NEBL: variants seen among roughly 807,000 people sequenced by gnomAD.
The protein encoded by NEBL is nebulette.
In NEBL, 122 loss-of-function variants were observed where a neutral mutation model predicts 140.2. The observed-to-expected ratio is 0.87, with a 90% confidence interval of 0.75 to 1.01. The LOEUF is 1.01. Among genes scored for constraint, NEBL ranks in the 50% least tolerant of loss-of-function variants. The probability of loss-of-function intolerance (pLI) is 0.00; values close to 1 mark genes in which losing one functional copy is unlikely to be tolerated. For missense variants in NEBL, 1,365 were observed against 1,231.3 expected (o/e 1.11, Z -1.62); for synonymous variants, 436 against 398.9 (o/e 1.09, Z -1.11).
rs371537488 is a variant in NEBL at position 21,126,047 on chromosome 10, G to A, written c.164+46336C>T. 33 of 1,614,158 alleles carry A rather than the reference G, an allele frequency of 2.0e-5. No homozygotes were observed. The Middle Eastern group carries it at 6.6e-4, about 32-fold the overall frequency. On this transcript the variant is annotated intron_variant, in intron 2 of 6. Coordinates refer to the NEBL transcript ENST00000417816. ...CACCTGGCAAGCGTTGGCCAGCTTT[G>A]CAGCCTTCTGGTCTCCCCAACCAGC...
chr10:21,117,764 AAT>A (rs1388416696), intron 2 of NEBL, among the ~76,000 whole-genome samples: 1 of 152,098 alleles, frequency 6.6e-6, no homozygotes, highest in Non-Finnish European at 1.5e-5. Flanking sequence ...TGTTCTCTCA[AAT>A]ATCAACTTTA....
chr10:20,830,912 T>TAAAAAAAAAAAAAAAAAAAAA (rs371760760), intron 16 of NEBL, among the ~76,000 whole-genome samples: 1 of 92,368 alleles, frequency 1.1e-5, no homozygotes, highest in Non-Finnish European at 2.1e-5. Flanking sequence ...CTCTAAAATT[T>TAAAAAAAAAAAAAAAAAAAAA]AAAAAAAAAA....
intron 4 of NEBL, among the ~76,000 whole-genome samples, chr10:20,944,473 T>C (rs1337289869): frequency 1.3e-5 from 2 of 152,232 alleles, no homozygotes; most frequent in African/African-American, 4.8e-5. Context: ...ACACCCCACA[T>C]TGCAGACATT....
At chr10:21,007,046 G>C (rs11012480) in intron 3 of NEBL, among the ~76,000 whole-genome samples, 2,696 of 152,088 alleles carry the variant, frequency 0.018, 85 homozygotes, top group African/African-American at 0.061. Context: ...TCACTTTGGG[G>C]TTTCTTTCAA....
chr10:21,247,115 A>G (rs986545710), intron 3 of NEBL, among the ~76,000 whole-genome samples: 11 of 152,056 alleles, frequency 7.2e-5, no homozygotes, highest in East Asian at 3.9e-4. Flanking sequence ...CCCTTCCTCC[A>G]TGATTGTAAG....
At chr10:20,883,852 A>G (rs1327137770) in intron 4 of NEBL, among the ~76,000 whole-genome samples, 1 of 152,212 alleles carries the variant, frequency 6.6e-6, no homozygotes, top group Non-Finnish European at 1.5e-5. Context: ...TACAGCCGCT[A>G]CTAAGTACCA....
chr10:21,261,228 G>T (rs1000994813), intron 1 of NEBL, among the ~76,000 whole-genome samples: 1 of 152,170 alleles, frequency 6.6e-6, no homozygotes, highest in African/African-American at 2.4e-5. Context: ...GCTCCAGGCT[G>T]CTCTGCTAAA....
At chr10:21,044,387 A>G (rs902060697) in intron 2 of NEBL, among the ~76,000 whole-genome samples, 5 of 122,952 alleles carry the variant, frequency 4.1e-5, no homozygotes, top group Non-Finnish European at 6.7e-5. Context: ...ACTGGGTGAC[A>G]GAGTAAGAAT....
At chr10:21,172,771 G>C (rs1377933663) in intron 1 of NEBL, among the ~76,000 whole-genome samples, 1 of 152,154 alleles carries the variant, frequency 6.6e-6, no homozygotes, top group African/African-American at 2.4e-5. Context: ...AACGATTTCT[G>C]AGCTCGGTTA....
chr10:20,941,466 C>A (rs1177301021), intron 4 of NEBL, among the ~76,000 whole-genome samples: 5 of 152,308 alleles, frequency 3.3e-5, no homozygotes, highest in Admixed American at 6.5e-5. Context: ...GACAAACCCA[C>A]AGCCAATATC....
At chr10:20,823,353 A>C in intron 18 of NEBL, 53 bp from the exon 19 acceptor site, 1 of 1,296,128 alleles carries the variant, frequency 7.7e-7, no homozygotes, top group South Asian at 1.3e-5. Context: ...AAGGCTTTAA[A>C]ATATTGAGAA....
At chr10:21,020,419 C>A (rs1838741154) in intron 2 of NEBL, among the ~76,000 whole-genome samples, 1 of 152,024 alleles carries the variant, frequency 6.6e-6, no homozygotes, top group Non-Finnish European at 1.5e-5. Flanking sequence ...CACAGCTTAA[C>A]CTTGACTTCT....
intron 3 of NEBL, among the ~76,000 whole-genome samples, chr10:21,204,234 C>G (rs1841788743): frequency 6.6e-6 from 1 of 152,134 alleles, no homozygotes; most frequent in Non-Finnish European, 1.5e-5. Context: ...AGGGAGAAAT[C>G]CAAACTGCTT....
At position 20,797,395 on chromosome 10, in the gene NEBL, G is replaced by A. The variant is rs542241259; in HGVS notation, c.2762-10087C>T. ...TTAGACAATACCATCAATCCATAAG[G>A]AGTTCTGATACGTAGTTTTACACTA... On this transcript the variant is annotated intron_variant, in intron 26 of 27. Coordinates refer to ENST00000377122, the MANE Select transcript of NEBL (RefSeq NM_006393.3). Among the ~76,000 whole-genome samples, 7 of 152,226 alleles carry A rather than the reference G, an allele frequency of 4.6e-5. No individual in the cohort carries two copies. In the East Asian group the frequency reaches 1.4e-3, roughly 29 times the overall value.
At chr10:21,013,985 T>C (rs1215933561) in intron 3 of NEBL, among the ~76,000 whole-genome samples, 1 of 152,108 alleles carries the variant, frequency 6.6e-6, no homozygotes, top group African/African-American at 2.4e-5. Context: ...CAGCAGACTG[T>C]TCTAAGATTT....
chr10:21,198,922 C>A (rs1274743766), intron 3 of NEBL, among the ~76,000 whole-genome samples: 2 of 152,034 alleles, frequency 1.3e-5, no homozygotes, highest in Admixed American at 6.5e-5. Flanking sequence ...AACTGGTACC[C>A]AATTACCTTA....
At chr10:20,946,937 A>AGGAG (rs772797998) in intron 4 of NEBL, among the ~76,000 whole-genome samples, 7 of 152,226 alleles carry the variant, frequency 4.6e-5, no homozygotes, top group Admixed American at 2.0e-4. Context: ...TACAAGTGCC[A>AGGAG]GGAGGCTCAC....
rs530622273 is a variant in NEBL, at chr10:20,785,298, G to A, written c.*449C>T. The stretch of plus-strand genomic sequence containing the variant: ...ATATTGGGCAATTTTCACTAATATT[G>A]GAAATTGCCTCATGACTCAAAAGCA... On this transcript the variant is annotated 3_prime_UTR_variant, in exon 28 of 28. Coordinates refer to ENST00000377122, the MANE Select transcript of NEBL (RefSeq NM_006393.3). The A allele has an allele frequency of 4.9e-6, 1 of 203,560 alleles. No homozygotes were observed. The highest frequency in any genetic ancestry group is 8.9e-5 in the South Asian group (1 of 11,196). The allele number at this position is 203,560 out of a possible 1,614,324, so 12.6% of individuals were successfully genotyped here.
At chr10:20,882,479 A>C (rs1564417443) in intron 4 of NEBL, among the ~76,000 whole-genome samples, 1 of 152,192 alleles carries the variant, frequency 6.6e-6, no homozygotes. Flanking sequence ...AGTTTTTACC[A>C]ATATGAGCTC....
Sources: allele counts gnomAD v4.1 joint callset (sites outside exome capture counted in the v4.1 genomes callset), GRCh38; gene constraint gnomAD v4.1.1; transcripts MANE v1.5; gene names NCBI Gene and HGNC (gene_info 2026-07-23, HGNC 2026-07-21).